RNF17: variants seen among roughly 807,000 people sequenced by gnomAD.
The protein encoded by RNF17 is spermatogenesis associated 23.
RNF17 carries 31 observed loss-of-function variants against 200.5 expected under a neutral mutation model. The ratio of observed to expected loss-of-function variants is 0.15; its 90% confidence interval spans 0.12 to 0.21. RNF17 has a LOEUF of 0.21. Ranked by LOEUF, RNF17 falls within the 10% of genes least tolerant of loss-of-function variation. The pLI, the probability that RNF17 is intolerant of heterozygous loss-of-function variation, is 1.00. For synonymous variants in RNF17, 606 were observed against 637.8 expected, an observed-to-expected ratio of 0.95 and a Z score of 0.75; for missense variants, 1,628 against 1,905.1, an observed-to-expected ratio of 0.85 and a Z score of 2.71.
intron 16 of RNF17, among the ~76,000 whole-genome samples, chr13:24,829,417 A>G (rs546980795): frequency 6.6e-6 from 1 of 152,350 alleles, no homozygotes; most frequent in East Asian, 1.9e-4. Context: ...ATTTCCATTC[A>G]GAGACTTTAG....
intron 33 of RNF17, among the ~76,000 whole-genome samples, chr13:24,875,641 C>A (rs928121990): frequency 2.0e-5 from 3 of 152,100 alleles, no homozygotes; most frequent in African/African-American, 7.2e-5. Flanking sequence ...AGATCAAGAC[C>A]CTGAAGCATT....
rs778363553 is a variant in RNF17 at position 24,788,167 on chromosome 13, A to G, written c.783+8A>G. On this transcript the variant is annotated splice_region_variant and intron_variant, in intron 7 of 35. Coordinates refer to ENST00000255324, the MANE Select transcript of RNF17 (RefSeq NM_031277.3). ...TACTGTGACCTGAATCAGGTAATTTAATAGTTCACAATGTGAGTTATTTCT... is the reference window on the plus strand; with the variant it reads ...TACTGTGACCTGAATCAGGTAATTTGATAGTTCACAATGTGAGTTATTTCT... 6.4e-7 allele frequency: 1 copy of G among 1,565,412 alleles called. No individual in the cohort carries two copies. Among genetic ancestry groups the G allele is most frequent in the Non-Finnish European group, 8.6e-7 (1 of 1,160,110 alleles).
chr13:24,881,861 TATATA>T (rs1193108121), downstream of RNF17, among the ~76,000 whole-genome samples: 4 of 109,666 alleles, frequency 3.6e-5, no homozygotes, highest in African/African-American at 5.7e-5. Context: ...TCTATATAGA[TATATA>T]GATACATCTA....
chr13:24,751,786 C>CTTTTTTTTTTTT, the RNF17 span: 1 of 151,466 alleles, frequency 6.6e-6, no homozygotes, highest in Admixed American at 6.6e-5. Context: ...TTTCAAGTAT[C>CTTTTTTTTTTTT]TTTTTTTTTA....
chr13:24,774,820 C>G lies in RNF17; in HGVS notation c.233C>G (p.Thr78Arg). 1.9e-6 allele frequency: 3 copies of G among 1,606,376 alleles called. No individual in the cohort carries two copies. The highest frequency in any genetic ancestry group is 2.6e-6 in the Non-Finnish European group (3 of 1,174,878). The change falls in exon 3 of 36, where the codon ACA (threonine) becomes AGA (arginine). Residue 78 changes from threonine (T) to arginine (R), a missense_variant. This residue lies in a region of RNF17 where 502 missense variants were observed against 501.7 expected (regional missense o/e 1.00). Coordinates refer to ENST00000255324, the MANE Select transcript of RNF17 (RefSeq NM_031277.3). ...ACCTTATTTTGTCCTAAGGTTGCTACAGCTGTAAATACTAGACAACGCTAC... is the reference window on the plus strand; with the variant it reads ...ACCTTATTTTGTCCTAAGGTTGCTAGAGCTGTAAATACTAGACAACGCTAC... ...TIICPDCEVA[T>R]AVNTRQRYYP...
intron 15 of RNF17, among the ~76,000 whole-genome samples, chr13:24,806,556 T>C (rs544705845): frequency 4.1e-4 from 63 of 152,330 alleles, no homozygotes; most frequent in Admixed American, 2.4e-3. Context: ...ATTGTGGTTT[T>C]GATTTGCATT....
At chr13:24,795,316 C>G (rs1398229307) in intron 10 of RNF17, among the ~76,000 whole-genome samples, 1 of 151,854 alleles carries the variant, frequency 6.6e-6, no homozygotes, top group Non-Finnish European at 1.5e-5. Context: ...TATTCAGTGT[C>G]TCCATCTCTT....
At chr13:24,852,282 G>T (rs774719225) in intron 24 of RNF17, among the ~76,000 whole-genome samples, 14 of 152,034 alleles carry the variant, frequency 9.2e-5, no homozygotes, top group Non-Finnish European at 1.6e-4. Flanking sequence ...GGGACTACAG[G>T]TGGCCGCCAC....
chr13:24,794,277 G>A lies in RNF17; in HGVS notation c.1240+931G>A, dbSNP rs1395113737. The A allele has an allele frequency of 8.8e-6, 4 of 452,860 alleles. No homozygotes were observed. The Middle Eastern group carries it at 9.8e-4, about 111-fold the overall frequency. The allele number at this position is 452,860 out of a possible 1,614,324, so 28.1% of individuals were successfully genotyped here. A position where few individuals can be genotyped will look rare whatever the true frequency, so the allele number is the denominator to read the frequency against. On this transcript the variant is annotated intron_variant, in intron 10 of 35. Coordinates refer to ENST00000255324, the MANE Select transcript of RNF17 (RefSeq NM_031277.3). ...AACAACTGTCTGAGCTTGATGTAGT[G>A]GAGTTTACTGTATGTGTAGTAAGTA... is the stretch of plus-strand genomic sequence containing the variant.
At chr13:24,813,635 T>G (rs1404952054) in intron 15 of RNF17, among the ~76,000 whole-genome samples, 1 of 152,026 alleles carries the variant, frequency 6.6e-6, no homozygotes, top group Non-Finnish European at 1.5e-5. Context: ...AACTACTTTT[T>G]TTTTTCTTTT....
At chr13:24,773,430 T>C (rs34198377) in intron 2 of RNF17, among the ~76,000 whole-genome samples, 7 of 152,190 alleles carry the variant, frequency 4.6e-5, no homozygotes, top group Admixed American at 4.6e-4. Flanking sequence ...AAGGCCATTA[T>C]CCTAAGCAAA....
intron 15 of RNF17, among the ~76,000 whole-genome samples, chr13:24,811,739 T>C (rs1379729118): frequency 6.6e-6 from 1 of 152,134 alleles, no homozygotes; most frequent in Non-Finnish European, 1.5e-5. Context: ...AGTTTCCAGT[T>C]TTTCTGCTCT....
chr13:24,881,493 A>G (rs1953812007), downstream of RNF17, among the ~76,000 whole-genome samples: 1 of 151,744 alleles, frequency 6.6e-6, no homozygotes, highest in African/African-American at 2.4e-5. Flanking sequence ...AAAAATCCTT[A>G]CCTCTCCTGA....
chr13:24,884,603 A>G (rs935472880), downstream of RNF17: 1 of 810,150 alleles, frequency 1.2e-6, no homozygotes, highest in African/African-American at 1.7e-5. Context: ...TTTCGTGAGG[A>G]GTAGCAAACT....
At chr13:24,815,985 C>G (rs953302923) in intron 15 of RNF17, among the ~76,000 whole-genome samples, 1 of 152,168 alleles carries the variant, frequency 6.6e-6, no homozygotes, top group African/African-American at 2.4e-5. Context: ...ACATTTGCCT[C>G]CCAGACTCAA....
chr13:24,884,734 C>T (rs1358819547), downstream of RNF17, among the ~76,000 whole-genome samples: 2 of 152,222 alleles, frequency 1.3e-5, no homozygotes, highest in Non-Finnish European at 2.9e-5. Flanking sequence ...GAAAGTCTAA[C>T]TACTGCTTTG....
chr13:24,876,686 TC>T (rs1894891425), intron 33 of RNF17, among the ~76,000 whole-genome samples: 1 of 152,206 alleles, frequency 6.6e-6, no homozygotes, highest in East Asian at 1.9e-4. Flanking sequence ...ACGTGGAACA[TC>T]CTGTCATGTG....
At chr13:24,762,947 G>A (rs1878920364), upstream of RNF17, among the ~76,000 whole-genome samples, 1 of 152,104 alleles carries the variant, frequency 6.6e-6, no homozygotes. Flanking sequence ...CTCATACTCT[G>A]GCTAAATGGT....
chr13:24,833,050 ATC>A (rs1889588430), intron 18 of RNF17, among the ~76,000 whole-genome samples: 1 of 152,086 alleles, frequency 6.6e-6, no homozygotes, highest in South Asian at 2.1e-4. Context: ...CTGACTGGGA[ATC>A]TGTTTTTCAT....
Sources: gnomAD v4.1 joint callset for allele counts (sites outside exome capture counted in the v4.1 genomes callset) on GRCh38, gnomAD v4.1.1 for gene constraint, gnomAD v4.1.1 regional missense constraint, MANE v1.5 for transcripts, NCBI Gene and HGNC (gene_info 2026-07-23, HGNC 2026-07-21) for gene names.